Variants in GHR observed in about 807,000 individuals in gnomAD.
GHR encodes the protein GH receptor.
In GHR, 35 loss-of-function variants were observed where a neutral mutation model predicts 67.1. The observed-to-expected ratio is 0.52, with a 90% confidence interval of 0.40 to 0.69. The LOEUF (loss-of-function observed/expected upper bound fraction) is 0.69. Among genes scored for constraint, GHR ranks in the 30% least tolerant of loss-of-function variants. The pLI is 0.00. For missense variants in GHR, 792 were observed against 764.6 expected (o/e 1.04, Z -0.42); for synonymous variants, 272 against 269.1 (o/e 1.01, Z -0.10).
At chr5:42,687,617 G>C (rs1757223586) in intron 3 of GHR, among the ~76,000 whole-genome samples, 1 of 152,174 alleles carries the variant, frequency 6.6e-6, no homozygotes, top group Non-Finnish European at 1.5e-5. Flanking sequence ...TTATGAGTTT[G>C]TTGCCAGAGG....
chr5:42,529,999 C>CTTTTTTT (rs376534691), intron 1 of GHR, among the ~76,000 whole-genome samples: 122 of 57,518 alleles, frequency 2.1e-3, no homozygotes, highest in Non-Finnish European at 3.0e-3. Flanking sequence ...TGAATCACTT[C>CTTTTTTT]TTTTTTTTTT....
At chr5:42,534,081 TGTATATATGTAA>T (rs1247004616) in intron 1 of GHR, among the ~76,000 whole-genome samples, 2 of 149,994 alleles carry the variant, frequency 1.3e-5, no homozygotes, top group Non-Finnish European at 3.0e-5. Flanking sequence ...TATGTATATA[TGTATATATGTAA>T]GTATATATGT....
chr5:42,497,547 T>A (rs1283044663), intron 1 of GHR, among the ~76,000 whole-genome samples: 1 of 152,178 alleles, frequency 6.6e-6, no homozygotes, highest in East Asian at 1.9e-4. Context: ...GAGATGCCAT[T>A]TAATTGGAAC....
At chr5:42,717,585 C>G (rs989042794) in intron 8 of GHR, among the ~76,000 whole-genome samples, 1 of 152,076 alleles carries the variant, frequency 6.6e-6, no homozygotes, top group African/African-American at 2.4e-5. Flanking sequence ...CTAACCTACC[C>G]AAGTCTACCC....
At chr5:42,520,334 T>C (rs1747418964) in intron 1 of GHR, among the ~76,000 whole-genome samples, 1 of 152,154 alleles carries the variant, frequency 6.6e-6, no homozygotes, top group African/African-American at 2.4e-5. Context: ...TACCACAAGA[T>C]ACCTTGTGAT....
intron 4 of GHR, among the ~76,000 whole-genome samples, chr5:42,689,450 A>G (rs1757318558): frequency 6.6e-6 from 1 of 152,178 alleles, no homozygotes; most frequent in African/African-American, 2.4e-5. Context: ...GGGCATGTGC[A>G]TGTGGATGAG....
intron 3 of GHR, among the ~76,000 whole-genome samples, chr5:42,663,890 A>C (rs1755804411): frequency 6.6e-6 from 1 of 152,262 alleles, no homozygotes; most frequent in African/African-American, 2.4e-5. Context: ...AAACAACTTC[A>C]GCAAAGTCTC....
intron 1 of GHR, among the ~76,000 whole-genome samples, chr5:42,523,105 C>T (rs966675709): frequency 6.6e-6 from 1 of 152,166 alleles, no homozygotes; most frequent in African/African-American, 2.4e-5. Flanking sequence ...AAATCACACA[C>T]TGGTGAGTTT....
intron 6 of GHR, among the ~76,000 whole-genome samples, chr5:42,710,149 C>T (rs114543922): frequency 0.011 from 1,614 of 151,990 alleles, 31 homozygotes; most frequent in African/African-American, 0.037. Flanking sequence ...TATTCAGAGG[C>T]TTCTATAAAA....
intron 2 of GHR, among the ~76,000 whole-genome samples, chr5:42,596,321 G>T (rs1012196826): frequency 2.6e-5 from 4 of 151,906 alleles, no homozygotes; most frequent in Non-Finnish European, 5.9e-5. Flanking sequence ...AAAAAAACAG[G>T]CAAGTAAATA....
chr5:42,486,039 C>T (rs140870799), intron 1 of GHR, among the ~76,000 whole-genome samples: 65 of 152,240 alleles, frequency 4.3e-4, no homozygotes, highest in African/African-American at 7.2e-4. Flanking sequence ...CATAGTTTCC[C>T]GGGACTTTTC....
chr5:42,536,959 A>G (rs548457713), intron 1 of GHR, among the ~76,000 whole-genome samples: 7 of 152,206 alleles, frequency 4.6e-5, no homozygotes, highest in African/African-American at 1.7e-4. Flanking sequence ...AAAGGTGTTC[A>G]TAGTACTCTT....
At chr5:42,515,390 C>T (rs1747193418) in intron 1 of GHR, among the ~76,000 whole-genome samples, 1 of 152,158 alleles carries the variant, frequency 6.6e-6, no homozygotes, top group African/African-American at 2.4e-5. Context: ...GTCAATTTAC[C>T]AATGGAATCT....
At chr5:42,474,014 C>T (rs1034180860) in intron 1 of GHR, among the ~76,000 whole-genome samples, 4 of 151,888 alleles carry the variant, frequency 2.6e-5, no homozygotes, top group African/African-American at 9.7e-5. Flanking sequence ...ATGGCGAAAC[C>T]TTATCTCTAC....
chr5:42,619,798 AT>A (rs1256146311), intron 2 of GHR: 3 of 152,126 alleles, frequency 2.0e-5, no homozygotes, highest in Non-Finnish European at 4.4e-5. Context: ...AGAGGGAAAA[AT>A]ACACCTTAAA....
chr5:42,710,574 C>T (rs573571682), intron 6 of GHR, among the ~76,000 whole-genome samples: 10 of 152,016 alleles, frequency 6.6e-5, no homozygotes, highest in African/African-American at 9.6e-5. Flanking sequence ...CAAAGAACTC[C>T]GGTGACTTTT....
chr5:42,499,465 A>C (rs1325199483), intron 1 of GHR, among the ~76,000 whole-genome samples: 2 of 152,134 alleles, frequency 1.3e-5, no homozygotes, highest in Non-Finnish European at 2.9e-5. Context: ...GTGAACACTC[A>C]TGTGTACAGT....
intron 3 of GHR, among the ~76,000 whole-genome samples, chr5:42,666,590 C>A (rs760755032): frequency 3.4e-4 from 52 of 152,028 alleles, no homozygotes; most frequent in Non-Finnish European, 6.8e-4. Flanking sequence ...ATTTAAAATT[C>A]AATTCTCTGT....
chr5:42,612,545 G>A (rs1440118925), intron 2 of GHR, among the ~76,000 whole-genome samples: 4 of 151,864 alleles, frequency 2.6e-5, no homozygotes, highest in African/African-American at 9.7e-5. Flanking sequence ...TTACAAATGG[G>A]TAGTCCCTTC....
Sources: allele counts gnomAD v4.1 joint callset (sites outside exome capture counted in the v4.1 genomes callset), GRCh38; gene constraint gnomAD v4.1.1; transcripts MANE v1.5; gene names NCBI Gene and HGNC (gene_info 2026-07-23, HGNC 2026-07-21).